Variants in EXD3 observed in about 807,000 individuals in gnomAD.
EXD3 encodes exonuclease 3'-5' domain containing 3.
Under a neutral mutation model 98.0 loss-of-function variants are expected in EXD3, and 92 were observed. The ratio of observed to expected loss-of-function variants is 0.94; its 90% confidence interval spans 0.79 to 1.12. EXD3 has a LOEUF of 1.12. Ranked by LOEUF, EXD3 falls within the 50% of genes most tolerant of loss-of-function variation. The pLI is 0.00. For missense variants in EXD3, 1,222 were observed against 1,191.6 expected (o/e 1.03, Z -0.38); for synonymous variants, 569 against 526.0 (o/e 1.08, Z -1.12).
intron 21 of EXD3, 118 bp from the exon 22 acceptor site, chr9:137,307,381 C>T: frequency 1.4e-6 from 2 of 1,386,748 alleles, no homozygotes; most frequent in Admixed American, 2.8e-5. Flanking sequence ...CTCAGCAGCT[C>T]CTCTTTCTGC....
chr9:137,372,579 AC>A (rs1235856305), intron 5 of EXD3, among the ~76,000 whole-genome samples: 3 of 152,300 alleles, frequency 2.0e-5, no homozygotes, highest in African/African-American at 7.2e-5. Context: ...GCGTGGCTGG[AC>A]CAAAGCTCAG....
chr9:137,392,817 C>T lies in EXD3; in HGVS notation c.55+2486G>A, dbSNP rs112347203. ...TCGAGGCTGTTCTGTGGGGGGGCGC[C>T]GTGTCTGTTCCAGGGAGGGCCATTA... On this transcript the variant is annotated intron_variant, in intron 2 of 21. Coordinates refer to ENST00000340951, the MANE Select transcript of EXD3 (RefSeq NM_017820.5). The T allele has an allele frequency of 4.0e-4, 140 of 352,406 alleles. 1 individual carries two copies. Among genetic ancestry groups the T allele is most frequent in the African/African-American group, 2.8e-3 (116 of 41,858 alleles). 21.8% of individuals were successfully genotyped at this position (352,406 alleles called of 1,614,324 possible).
chr9:137,337,701 T>G (rs1833432247), intron 17 of EXD3, among the ~76,000 whole-genome samples: 1 of 150,486 alleles, frequency 6.6e-6, no homozygotes, highest in Non-Finnish European at 1.5e-5. Flanking sequence ...ATCTACTGAG[T>G]GTGTGCATAT....
Position 137,395,326 on chromosome 9 carries a change from G to C in EXD3, c.32C>G (p.Ala11Gly). MDPGDPAGDP[A>G]AGERHRMGRD... Reference sequence around the variant, plus strand: ...ACCCATGCGGTGGCGCTCGCCAGCGGCAGGGTCACCAGCGGGATCTCCTGG... The same window carrying C: ...ACCCATGCGGTGGCGCTCGCCAGCGCCAGGGTCACCAGCGGGATCTCCTGG... The change falls in exon 2 of 22, where the codon GCC becomes GGC. Residue 11 changes from alanine to glycine, a missense_variant. Coordinates refer to ENST00000340951, the MANE Select transcript of EXD3 (RefSeq NM_017820.5). This position sits in a 1 kb window ranked among gnomAD's most constrained non-coding sequence, Gnocchi z 6.5. The C allele has an allele frequency of 5.0e-6, 8 of 1,613,352 alleles. No homozygotes were observed. The highest frequency in any genetic ancestry group is 6.8e-6 in the Non-Finnish European group (8 of 1,179,782).
chr9:137,325,420 C>G (rs533598000), intron 17 of EXD3, among the ~76,000 whole-genome samples: 1 of 152,114 alleles, frequency 6.6e-6, no homozygotes, highest in Non-Finnish European at 1.5e-5. Context: ...AGAATGGTTC[C>G]TTAAAATCAT....
At position 137,354,694 on chromosome 9, in the gene EXD3, A is replaced by T. The variant is rs1157450630; in HGVS notation, c.831+6T>A. 4 of 1,610,406 alleles carry T rather than the reference A, an allele frequency of 2.5e-6. No individual in the cohort carries two copies. The highest frequency in any genetic ancestry group is 1.3e-5 in the African/African-American group (1 of 74,938). On this transcript the variant is annotated splice_donor_region_variant and intron_variant, in intron 9 of 21. Coordinates refer to ENST00000340951, the MANE Select transcript of EXD3 (RefSeq NM_017820.5). ...CTGCCCCCAGGACCCCCTCCTGCTC[A>T]CGAACCTCCACAAACCGCTTGTGGC...
chr9:137,336,418 C>T (rs948308776), intron 17 of EXD3, among the ~76,000 whole-genome samples: 15 of 152,140 alleles, frequency 9.9e-5, no homozygotes, highest in Admixed American at 5.9e-4. Context: ...CCCAGCACTT[C>T]GGCAGGCTGA....
rs1837148523 is a variant in EXD3, at chr9:137,395,239, T to C, written c.55+64A>G. ...ACACAGTGGGCGCCACCACCCCCCA[T>C]GCACACCCACGCACCTCCCCCCACA... On this transcript the variant is annotated intron_variant, in intron 2 of 21. Transcript: ENST00000340951. The surrounding 1 kb of genome is among the most constrained non-coding windows in gnomAD (Gnocchi z 6.5). 8.3e-7 allele frequency: 1 copy of C among 1,204,558 alleles called. No homozygotes were observed. The highest frequency in any genetic ancestry group is 1.2e-6 in the Non-Finnish European group (1 of 810,902). The allele number at this position is 1,204,558 out of a possible 1,614,324, so 74.6% of individuals were successfully genotyped here.
Position 137,395,319 on chromosome 9 carries a change from G to A in EXD3, c.39C>T (p.Gly13=), listed in dbSNP as rs368566298. ...CAGACTCACCCATGCGGTGGCGCTC[G>A]CCAGCGGCAGGGTCACCAGCGGGAT... The part of the protein sequence containing the change: ...PGDPAGDPAA[G]ERHRMGRDPL... The change falls in exon 2 of 22, where the codon GGC becomes GGT. Residue 13 remains glycine, a synonymous_variant. Transcript: ENST00000340951. The surrounding 1 kb of genome is among the most constrained non-coding windows in gnomAD (Gnocchi z 6.5). 6.8e-5 allele frequency: 110 copies of A among 1,613,356 alleles called. No homozygotes were observed. Among genetic ancestry groups the A allele is most frequent in the Middle Eastern group, 1.6e-4 (1 of 6,062 alleles).
chr9:137,325,274 G>T (rs1222085901), intron 17 of EXD3, among the ~76,000 whole-genome samples: 1 of 152,162 alleles, frequency 6.6e-6, no homozygotes, highest in Non-Finnish European at 1.5e-5. Context: ...TCTAGATGCT[G>T]CAGAAAGCAA....
In EXD3 at chr9:137,318,327, C is replaced by T. The variant is rs561197383; in HGVS notation, c.2184+5398G>A. On this transcript the variant is annotated intron_variant, in intron 19 of 21. Coordinates refer to ENST00000340951, the MANE Select transcript of EXD3 (RefSeq NM_017820.5). ...AGCTGGGCCCCGGCTGCCGGCACCC[C>T]CCCTCGTCCCCCCCATAATGGCCAG... 1.1e-4 allele frequency among the ~76,000 whole-genome samples: 17 copies of T among 152,262 alleles called. No individual in the cohort carries two copies. In the South Asian group the frequency reaches 2.9e-3, roughly 26 times the overall value.
chr9:137,395,203 C>T lies in EXD3; in HGVS notation c.55+100G>A, dbSNP rs928964804. 50 of 1,138,270 alleles carry T rather than the reference C, an allele frequency of 4.4e-5. No homozygotes were observed. Among genetic ancestry groups the T allele is most frequent in the Admixed American group, 3.0e-4 (17 of 57,442 alleles). 70.5% of individuals were successfully genotyped at this position (1,138,270 alleles called of 1,614,324 possible). ...AGCTAGGGGCCAGCAGCCTGGCCCT[C>T]GTCACTGAGTACACAGTGGGCGCCA... is the stretch of plus-strand genomic sequence containing the variant. On this transcript the variant is annotated intron_variant, in intron 2 of 21. Transcript: ENST00000340951. The surrounding 1 kb of genome is among the most constrained non-coding windows in gnomAD (Gnocchi z 6.5).
At chr9:137,337,508 G>A (rs137857629) in intron 17 of EXD3, among the ~76,000 whole-genome samples, 1,880 of 151,982 alleles carry the variant, frequency 0.012, 40 homozygotes, top group African/African-American at 0.042. Context: ...AAAATTAGCC[G>A]GGTGTGGTGG....
intron 5 of EXD3, among the ~76,000 whole-genome samples, chr9:137,368,198 G>A (rs1317405545): frequency 6.6e-6 from 1 of 152,234 alleles, no homozygotes; most frequent in Non-Finnish European, 1.5e-5. Context: ...TGCATAGGCT[G>A]GGACAGGTGG....
intron 17 of EXD3, among the ~76,000 whole-genome samples, chr9:137,330,871 A>G (rs973495500): frequency 2.6e-5 from 4 of 152,230 alleles, no homozygotes; most frequent in Non-Finnish European, 4.4e-5. Context: ...CCATGCAACA[A>G]GTGGTCCACA....
At chr9:137,383,506 C>G (rs1836428339) in intron 2 of EXD3, 129 bp from the exon 3 acceptor site, 4 of 629,000 alleles carry the variant, frequency 6.4e-6, no homozygotes, top group South Asian at 3.9e-5. Flanking sequence ...GCCGGGAACC[C>G]TCCCCCACCT....
At chr9:137,311,495 C>T (rs1159978634) in intron 19 of EXD3, among the ~76,000 whole-genome samples, 1 of 152,254 alleles carries the variant, frequency 6.6e-6, no homozygotes, top group Non-Finnish European at 1.5e-5. Context: ...AAATACTCCA[C>T]ATGGGGTCCG....
chr9:137,361,006 A>C (rs1413542887), intron 7 of EXD3, among the ~76,000 whole-genome samples: 3 of 86,704 alleles, frequency 3.5e-5, no homozygotes. Flanking sequence ...CCCGCCTGGC[A>C]TGGGTCCTTG....
intron 1 of EXD3, among the ~76,000 whole-genome samples, chr9:137,401,851 G>T (rs1049696477): frequency 2.0e-5 from 3 of 152,222 alleles, no homozygotes; most frequent in Non-Finnish European, 4.4e-5. Context: ...ATGACCTGGA[G>T]ACATTTTCCC....
Sources: allele counts gnomAD v4.1 joint callset (sites outside exome capture counted in the v4.1 genomes callset), GRCh38; gene constraint gnomAD v4.1.1; non-coding constraint Gnocchi (gnomAD v3.1); transcripts MANE v1.5; gene names NCBI Gene and HGNC (gene_info 2026-07-23, HGNC 2026-07-21).